The following BEST1 variants were observed in gnomAD, a reference collection of about 807,000 sequenced individuals.
The protein encoded by BEST1 is bestrophin 1.
In BEST1, 58 loss-of-function variants were observed where a neutral mutation model predicts 63.3. That is an observed-to-expected ratio of 0.92 (90% CI 0.74 to 1.14). The LOEUF (loss-of-function observed/expected upper bound fraction) is 1.14. Among genes scored for constraint, BEST1 ranks in the 50% most tolerant of loss-of-function variants. The probability of loss-of-function intolerance (pLI) is 0.00; values close to 1 mark genes in which losing one functional copy is unlikely to be tolerated. For missense variants in BEST1, 671 were observed against 740.1 expected, an observed-to-expected ratio of 0.91 and a Z score of 1.08; for synonymous variants, 283 against 291.6, an observed-to-expected ratio of 0.97 and a Z score of 0.30.
At chr11:61,957,083 T>C (rs1941457178) in intron 5 of BEST1, 85 bp downstream of exon 5, 1 of 1,594,462 alleles carries the variant, frequency 6.3e-7, no homozygotes, top group African/African-American at 1.3e-5. Flanking sequence ...AAGAGAAGCC[T>C]TGGGCCCCTG....
chr11:61,958,918 ACACAC>A (rs1565035247), intron 7 of BEST1: 6 of 79,110 alleles, frequency 7.6e-5, no homozygotes, highest in East Asian at 6.4e-4. Flanking sequence ...ACACACACAC[ACACAC>A]GCATTCCTAT....
intron 2 of BEST1, among the ~76,000 whole-genome samples, chr11:61,953,741 G>C (rs1940965111): frequency 6.6e-6 from 1 of 151,942 alleles, no homozygotes; most frequent in African/African-American, 2.4e-5. Context: ...AATGATCTGG[G>C]CATGGTGGCT....
rs1446352482 is a variant in BEST1 at position 61,964,096 on chromosome 11, C to T, written c.1740-8C>T. 6.2e-7 allele frequency: 1 copy of T among 1,613,732 alleles called. No homozygotes were observed. The highest frequency in any genetic ancestry group is 2.2e-5 in the East Asian group (1 of 44,874). ...TACTTATGCTGTTAATACTTTCATT[C>T]TCACTAGGGATGAAGCACATTCCTA... On this transcript the variant is annotated splice_polypyrimidine_tract_variant and splice_region_variant and intron_variant, in intron 10 of 10. Transcript: ENST00000378043.
At chr11:61,964,008 G>T (rs1942348991) in intron 10 of BEST1, 96 bp from the exon 11 acceptor site, 3 of 1,536,846 alleles carry the variant, frequency 2.0e-6, no homozygotes, top group Admixed American at 4.4e-5. Context: ...AAAAAAAAAG[G>T]ATCGTCTCAA....
intron 1 of BEST1, 141 bp from the exon 2 acceptor site, chr11:61,951,630 G>A (rs914473264): frequency 2.5e-6 from 2 of 791,446 alleles, no homozygotes; most frequent in Admixed American, 5.2e-5. Context: ...AGTCAGAACT[G>A]GCAGGGCCTT....
chr11:61,951,699 G>A, intron 1 of BEST1, 72 bp from the exon 2 acceptor site: 15 of 1,485,452 alleles, frequency 1.0e-5, no homozygotes, highest in Admixed American at 1.7e-5. Flanking sequence ...CCAGAGCAGG[G>A]AAGGGTCCTG....
intron 8 of BEST1, 102 bp from the exon 9 acceptor site, chr11:61,959,788 CTG>C (rs780357510): frequency 1.3e-6 from 2 of 1,518,676 alleles, no homozygotes; most frequent in South Asian, 2.4e-5. Context: ...GGCAGGGAAA[CTG>C]AGGTCCAGAG....
At chr11:61,965,488 C>T (rs371283538), downstream of BEST1, 5 of 1,603,992 alleles carry the variant, frequency 3.1e-6, no homozygotes, top group Non-Finnish European at 4.2e-6. Flanking sequence ...TTCTTCAAAG[C>T]CACATCATCG....
chr11:61,964,191 CCA>C lies in BEST1; in HGVS notation c.*70_*71del. On this transcript the variant is annotated 3_prime_UTR_variant, in exon 11 of 11. Transcript: ENST00000378043. ...GTGTGTACACCAGCAGGACACTGATCCAGTCACAGCCATACAGCTGTCCACAC... is the reference window on the plus strand; with the variant it reads ...GTGTGTACACCAGCAGGACACTGATCGTCACAGCCATACAGCTGTCCACAC... The C allele has an allele frequency of 6.2e-7, 1 of 1,610,122 alleles. No homozygotes were observed. The highest frequency in any genetic ancestry group is 8.5e-7 in the Non-Finnish European group (1 of 1,178,612).
chr11:61,965,096 T>C, downstream of BEST1: 1 of 1,605,748 alleles, frequency 6.2e-7, no homozygotes, highest in South Asian at 1.1e-5. Context: ...GCTCTCCCAG[T>C]CATCACAGTC....
intron 10 of BEST1, chr11:61,963,572 G>C: frequency 9.7e-7 from 1 of 1,026,168 alleles, no homozygotes; most frequent in Non-Finnish European, 1.2e-6. Context: ...CAATCACGTG[G>C]GAGGAAGTGT....
downstream of BEST1, chr11:61,965,396 A>C: frequency 6.2e-7 from 1 of 1,613,540 alleles, no homozygotes; most frequent in South Asian, 1.1e-5. Flanking sequence ...AGATTCGGCC[A>C]CCTCGTTGGT....
At chr11:61,952,844 G>A (rs1021314072) in intron 2 of BEST1, among the ~76,000 whole-genome samples, 6 of 152,018 alleles carry the variant, frequency 3.9e-5, no homozygotes, top group South Asian at 2.1e-4. Context: ...GCAGTGACTC[G>A]CGTCTGTAAT....
chr11:61,963,712 T>C, intron 10 of BEST1: 1 of 1,122,240 alleles, frequency 8.9e-7, no homozygotes, highest in East Asian at 6.6e-5. Context: ...GGCAAACATC[T>C]GTGGCCTGTT....
At position 61,959,573 on chromosome 11, in the gene BEST1, T is replaced by C. The variant is rs773700304; in HGVS notation, c.943T>C (p.Leu315=). Residue 315 remains leucine (L), a synonymous_variant, in exon 8 of 11, where the codon TTG becomes CTG. Coordinates refer to ENST00000378043, the MANE Select transcript of BEST1 (RefSeq NM_004183.4). ...GACCAACTGGATTGTCGACAGGAATTTGCAGGTATGGGGAGAGGGAGAGAA... is the reference window on the plus strand; with the variant it reads ...GACCAACTGGATTGTCGACAGGAATCTGCAGGTATGGGGAGAGGGAGAGAA... ...FETNWIVDRN[L]QVSLLAVDEM... is the part of the protein sequence containing the mutation. 1 of 1,614,066 alleles carries C rather than the reference T, an allele frequency of 6.2e-7. No homozygotes were observed. Among genetic ancestry groups the C allele is most frequent in the South Asian group, 1.1e-5 (1 of 91,078 alleles).
chr11:61,955,221 T>A lies in BEST1; in HGVS notation c.247+20T>A, dbSNP rs369795940. ...TGCTGGGTGAGTTCCCCCTTCTGGC[T>A]GTTCCGGGTCCCTGTGGCCGCCCAG... is the stretch of plus-strand genomic sequence containing the variant. On this transcript the variant is annotated intron_variant, in intron 3 of 10. Transcript: ENST00000378043. 2.2e-5 allele frequency: 35 copies of A among 1,613,894 alleles called. No homozygotes were observed. Among genetic ancestry groups the A allele is most frequent in the Non-Finnish European group, 3.0e-5 (35 of 1,179,954 alleles).
rs1372828027 is a variant in BEST1, at chr11:61,959,252, A to G, written c.868-246A>G. The G allele has an allele frequency of 1.6e-5, 9 of 570,744 alleles. No individual in the cohort carries two copies. The Admixed American group carries it at 1.8e-4, about 11-fold the overall frequency. The allele number at this position is 570,744 out of a possible 1,614,324, so 35.4% of individuals were successfully genotyped here. ...AAAGGCAGTGACTCAGCCGAGTGAT[A>G]CACTCAGGGACAGCTGTGGGTGTTC... is the stretch of plus-strand genomic sequence containing the variant. On this transcript the variant is annotated intron_variant, in intron 7 of 10. Coordinates refer to ENST00000378043, the MANE Select transcript of BEST1 (RefSeq NM_004183.4).
At position 61,962,280 on chromosome 11, in the gene BEST1, C is replaced by A. The variant is rs1226344601; in HGVS notation, c.1126C>A (p.Gln376Lys). The change falls in exon 10 of 11, where the codon CAG becomes AAG. Residue 376 changes from glutamine to lysine, a missense_variant. By Grantham distance (53) the Gln-to-Lys change is moderately conservative. Coordinates refer to ENST00000378043, the MANE Select transcript of BEST1 (RefSeq NM_004183.4). ...ISLNKEEMEF[Q>K]PNQEDEEDAH... The stretch of plus-strand genomic sequence containing the variant: ...CCTGAACAAAGAGGAGATGGAGTTC[C>A]AGCCCAATCAGGAGGACGAGGAGGA... 1 of 1,614,020 alleles carries A rather than the reference C, an allele frequency of 6.2e-7. No homozygotes were observed. The highest frequency in any genetic ancestry group is 8.5e-7 in the Non-Finnish European group (1 of 1,180,030).
intron 2 of BEST1, 102 bp downstream of exon 2, chr11:61,952,060 C>A: frequency 7.2e-7 from 1 of 1,387,260 alleles, no homozygotes. Context: ...TGTACCAGTT[C>A]ACTACAAGAC....
Sources: gnomAD v4.1 joint callset for allele counts (sites outside exome capture counted in the v4.1 genomes callset) on GRCh38, gnomAD v4.1.1 for gene constraint, MANE v1.5 for transcripts, NCBI Gene and HGNC (gene_info 2026-07-23, HGNC 2026-07-21) for gene names.